The following ABTB3 variants were observed in gnomAD, a reference collection of about 807,000 sequenced individuals.
ABTB3 encodes the protein ankyrin repeat and BTB domain containing 3, also known as ankyrin repeat- and BTB/POZ domain-containing protein 3.
chr12:107,388,715 G>A, the ABTB3 span, among the ~76,000 whole-genome samples: 19 of 152,308 alleles, frequency 1.2e-4, no homozygotes, highest in South Asian at 2.1e-4. Flanking sequence ...GCAGGTCTCC[G>A]TTGGGTGTTC....
chr12:107,552,735 G>A, the ABTB3 span, among the ~76,000 whole-genome samples: 15 of 152,266 alleles, frequency 9.9e-5, no homozygotes, highest in East Asian at 1.9e-4. Flanking sequence ...CAGTGCCTCC[G>A]TGCCTTTACT....
the ABTB3 span, among the ~76,000 whole-genome samples, chr12:107,568,423 A>G: frequency 1.3e-5 from 2 of 152,156 alleles, no homozygotes; most frequent in Non-Finnish European, 2.9e-5. Flanking sequence ...CCCCCTTCCC[A>G]CTACCCTACT....
chr12:107,615,251 C>T, the ABTB3 span: 186 of 988,700 alleles, frequency 1.9e-4, 1 homozygote, highest in East Asian at 4.7e-3. Flanking sequence ...TGCATATTCT[C>T]TAAGACATTC....
At chr12:107,402,272 G>A in the ABTB3 span, among the ~76,000 whole-genome samples, 1 of 152,168 alleles carries the variant, frequency 6.6e-6, no homozygotes, top group Non-Finnish European at 1.5e-5. Context: ...AATCCAGGCA[G>A]TCTGACCCTG....
the ABTB3 span, among the ~76,000 whole-genome samples, chr12:107,621,697 A>C: frequency 2.0e-5 from 3 of 152,206 alleles, no homozygotes; most frequent in Non-Finnish European, 4.4e-5. Context: ...ATGGAACACG[A>C]CTAGCACCCA....
chr12:107,558,460 C>T, the ABTB3 span, among the ~76,000 whole-genome samples: 1 of 152,166 alleles, frequency 6.6e-6, no homozygotes, highest in East Asian at 1.9e-4. Context: ...TTTAGAATAT[C>T]ATCCTGAGTT....
the ABTB3 span, chr12:107,609,915 G>A: frequency 2.5e-6 from 1 of 400,874 alleles, no homozygotes; most frequent in African/African-American, 2.0e-5. Context: ...CTTAGCAAGA[G>A]TGCCTAGTCC....
chr12:107,513,730 T>G, the ABTB3 span, among the ~76,000 whole-genome samples: 1 of 152,114 alleles, frequency 6.6e-6, no homozygotes, highest in African/African-American at 2.4e-5. Flanking sequence ...TGAAAGGATG[T>G]CAGGGTGTTC....
At chr12:107,559,746 G>C in the ABTB3 span, among the ~76,000 whole-genome samples, 7 of 152,156 alleles carry the variant, frequency 4.6e-5, no homozygotes, top group African/African-American at 1.7e-4. Context: ...CAGGTATACA[G>C]TTCCCTGGAT....
At chr12:107,620,807 C>T in the ABTB3 span, among the ~76,000 whole-genome samples, 1 of 152,180 alleles carries the variant, frequency 6.6e-6, no homozygotes. Flanking sequence ...AGCAGGCCAG[C>T]CTTTCGACTA....
the ABTB3 span, chr12:107,580,761 G>T: frequency 7.0e-7 from 1 of 1,422,714 alleles, no homozygotes; most frequent in South Asian, 1.4e-5. Context: ...ATAACACGGG[G>T]CGCTGATTGG....
the ABTB3 span, among the ~76,000 whole-genome samples, chr12:107,361,671 C>T: frequency 6.6e-6 from 1 of 152,174 alleles, no homozygotes; most frequent in Non-Finnish European, 1.5e-5. Flanking sequence ...CCTTTCTCTA[C>T]ACTAGTTCTG....
chr12:107,584,309 T>C, the ABTB3 span, among the ~76,000 whole-genome samples: 4 of 152,328 alleles, frequency 2.6e-5, no homozygotes, highest in South Asian at 8.3e-4. Flanking sequence ...CCCCAACAAC[T>C]GTGCAAGACA....
the ABTB3 span, among the ~76,000 whole-genome samples, chr12:107,565,029 T>C: frequency 6.6e-6 from 1 of 152,130 alleles, no homozygotes; most frequent in Non-Finnish European, 1.5e-5. Flanking sequence ...TATAACTAGA[T>C]TTGAGCAAAG....
the ABTB3 span, chr12:107,657,632 C>G: frequency 6.2e-7 from 1 of 1,614,178 alleles, no homozygotes; most frequent in Middle Eastern, 1.6e-4. Flanking sequence ...AGGGACCGGC[C>G]AGGATGTGCT....
chr12:107,650,563 C>G, the ABTB3 span: 1 of 152,220 alleles, frequency 6.6e-6, no homozygotes, highest in African/African-American at 2.4e-5. Context: ...AACAGTCTCA[C>G]TCTGCCCCCA....
chr12:107,617,384 A>G, the ABTB3 span: 14 of 1,613,746 alleles, frequency 8.7e-6, no homozygotes, highest in East Asian at 1.6e-4. Flanking sequence ...AATTTCTACA[A>G]CCCCCCAGGG....
chr12:107,493,812 A>G, the ABTB3 span, among the ~76,000 whole-genome samples: 1 of 152,174 alleles, frequency 6.6e-6, no homozygotes, highest in Non-Finnish European at 1.5e-5. Context: ...TGCTTCTACA[A>G]TACAACCAGG....
At chr12:107,581,054 T>C in the ABTB3 span, 2 of 1,543,980 alleles carry the variant, frequency 1.3e-6, no homozygotes, top group African/African-American at 1.4e-5. Flanking sequence ...AGTCGGGAGA[T>C]GGGGGGATCC....
Sources: gnomAD v4.1 joint callset for allele counts (sites outside exome capture counted in the v4.1 genomes callset) on GRCh38, gnomAD v4.1.1 for gene constraint, MANE v1.5 for transcripts, NCBI Gene and HGNC (gene_info 2026-07-23, HGNC 2026-07-21) for gene names.